Variants in ATP2A2 observed in about 807,000 individuals in gnomAD.
The protein encoded by ATP2A2 is sarcoplasmic/endoplasmic reticulum calcium ATPase 2.
Under a neutral mutation model 109.3 loss-of-function variants are expected in ATP2A2, and 14 were observed. That is an observed-to-expected ratio of 0.13 (90% CI 0.08 to 0.20). The LOEUF (loss-of-function observed/expected upper bound fraction) is 0.20, where lower values mean the gene tolerates loss of function less well. Ranked by LOEUF, ATP2A2 falls within the 10% of genes least tolerant of loss-of-function variation. The pLI is 1.00. For synonymous variants in ATP2A2, 506 were observed against 490.9 expected, an observed-to-expected ratio of 1.03 and a Z score of -0.41; for missense variants, 657 against 1,321.6, an observed-to-expected ratio of 0.50 and a Z score of 7.80.
intron 11 of ATP2A2, among the ~76,000 whole-genome samples, chr12:110,337,815 C>T (rs903364005): frequency 3.3e-5 from 5 of 152,308 alleles, no homozygotes; most frequent in African/African-American, 4.8e-5. Context: ...GTGTCTTTAA[C>T]GCTGACAGTG....
chr12:110,324,230 A>C (rs1201268208), intron 6 of ATP2A2, among the ~76,000 whole-genome samples: 1 of 152,188 alleles, frequency 6.6e-6, no homozygotes, highest in African/African-American at 2.4e-5. Flanking sequence ...AGCTAATGTC[A>C]TGGAGACAGT....
In ATP2A2 at chr12:110,327,434, C is replaced by G. The variant is rs1348140365; in HGVS notation, c.631-119C>G. On this transcript the variant is annotated intron_variant, in intron 7 of 19. Coordinates refer to ENST00000539276, the MANE Select transcript of ATP2A2 (RefSeq NM_170665.4). This position sits in a 1 kb window ranked among gnomAD's most constrained non-coding sequence, Gnocchi z 4.4. The stretch of plus-strand genomic sequence containing the variant: ...GTATGGCTGGTTGCTTGAACAGTAG[C>G]CAGTGGAAGACCTAGTAGAATGTGT... 9 of 909,508 alleles carry G rather than the reference C, an allele frequency of 9.9e-6. No individual in the cohort carries two copies. The highest frequency in any genetic ancestry group is 1.7e-5 in the Admixed American group (1 of 58,736). The allele number at this position is 909,508 out of a possible 1,614,324, so 56.3% of individuals were successfully genotyped here. A position where few individuals can be genotyped will look rare whatever the true frequency, so the allele number is the denominator to read the frequency against.
intron 16 of ATP2A2, among the ~76,000 whole-genome samples, chr12:110,344,366 A>C (rs1399476620): frequency 2.0e-5 from 3 of 152,192 alleles, no homozygotes; most frequent in South Asian, 2.1e-4. Flanking sequence ...GGAATCCCAG[A>C]AGCTGCTGAG....
Position 110,296,578 on chromosome 12 carries a change from C to A in ATP2A2, c.325-21C>A, listed in dbSNP as rs145932723. Reference sequence around the variant, plus strand: ...CAGTGTCAGGCAGGTCTTTACTACTCTTCTGTTTTCTTTTATACAGGAAAG... The same window carrying A: ...CAGTGTCAGGCAGGTCTTTACTACTATTCTGTTTTCTTTTATACAGGAAAG... On this transcript the variant is annotated intron_variant, in intron 4 of 19. Transcript: ENST00000539276. 1.5e-4 allele frequency: 250 copies of A among 1,614,000 alleles called. 1 individual carries two copies. In the African/African-American group the frequency reaches 2.1e-3, roughly 13 times the overall value.
chr12:110,329,039 G>A (rs1451168466), intron 8 of ATP2A2, among the ~76,000 whole-genome samples: 5 of 152,176 alleles, frequency 3.3e-5, no homozygotes, highest in Non-Finnish European at 7.3e-5. Flanking sequence ...GTATTCATTA[G>A]AGATTGGTTC....
chr12:110,323,215 C>T (rs952291919), intron 6 of ATP2A2, 143 bp downstream of exon 6: 19 of 734,876 alleles, frequency 2.6e-5, no homozygotes, highest in Non-Finnish European at 4.0e-5. Flanking sequence ...GCTTTAGTCT[C>T]GCTCCATTGC....
chr12:110,316,146 G>A (rs779702317), intron 5 of ATP2A2, among the ~76,000 whole-genome samples: 4 of 152,232 alleles, frequency 2.6e-5, no homozygotes, highest in Non-Finnish European at 5.9e-5. Flanking sequence ...TGTTTCAAAC[G>A]CTTTACCATC....
At chr12:110,317,908 A>G (rs1876839437) in intron 5 of ATP2A2, among the ~76,000 whole-genome samples, 1 of 152,222 alleles carries the variant, frequency 6.6e-6, no homozygotes, top group African/African-American at 2.4e-5. Flanking sequence ...CAAGAGCTGA[A>G]TTTGAAAGGT....
intron 5 of ATP2A2, among the ~76,000 whole-genome samples, chr12:110,304,614 G>A (rs896922559): frequency 6.6e-6 from 1 of 152,108 alleles, no homozygotes; most frequent in Non-Finnish European, 1.5e-5. Flanking sequence ...TAGGTTATTT[G>A]TCTTTTTAAT....
In ATP2A2 at chr12:110,307,004, C is replaced by A. The variant is rs149537935; in HGVS notation, c.463+10267C>A. On this transcript the variant is annotated intron_variant, in intron 5 of 19. Transcript: ENST00000539276. ...GAATTCCTGGGCTCAAGTGATTCAC[C>A]CACCTTGGCCTCCGAAAGTGCTGAG... 8.1e-3 allele frequency among the ~76,000 whole-genome samples: 1,233 copies of A among 151,968 alleles called. 1 individual carries two copies. Among genetic ancestry groups the A allele is most frequent in the Non-Finnish European group, 9.5e-3 (644 of 67,946 alleles).
chr12:110,304,516 T>C (rs1420974099), intron 5 of ATP2A2, among the ~76,000 whole-genome samples: 1 of 152,238 alleles, frequency 6.6e-6, no homozygotes, highest in Non-Finnish European at 1.5e-5. Context: ...TTGACGTCCG[T>C]TTCCCTAATT....
chr12:110,334,770 G>A lies in ATP2A2; in HGVS notation c.1419+627G>A, dbSNP rs917338365. On this transcript the variant is annotated intron_variant, in intron 11 of 19. Coordinates refer to ENST00000539276, the MANE Select transcript of ATP2A2 (RefSeq NM_170665.4). Reference sequence around the variant, plus strand: ...GCCTGGCTAATTTTTTGTATTTTTCGTAGAAAGGGGTTTCACCATGCTAGC... The same window carrying A: ...GCCTGGCTAATTTTTTGTATTTTTCATAGAAAGGGGTTTCACCATGCTAGC... 2.6e-5 allele frequency among the ~76,000 whole-genome samples: 4 copies of A among 151,644 alleles called. No individual in the cohort carries two copies. In the South Asian group the frequency reaches 6.2e-4, roughly 24 times the overall value.
intron 3 of ATP2A2, among the ~76,000 whole-genome samples, chr12:110,285,440 C>T (rs4766428): frequency 0.41 from 62,331 of 151,998 alleles, 14,478 homozygotes; most frequent in East Asian, 0.91. Context: ...CTGATGCCTG[C>T]CCTTTCTTCT....
At chr12:110,308,194 T>A (rs1875590696) in intron 5 of ATP2A2, among the ~76,000 whole-genome samples, 2 of 152,224 alleles carry the variant, frequency 1.3e-5, no homozygotes, top group Non-Finnish European at 2.9e-5. Flanking sequence ...ATGTTTTTAC[T>A]TCTTTCTAGT....
chr12:110,282,644 GT>G, intron 2 of ATP2A2, 23 bp downstream of exon 2: 3 of 1,612,694 alleles, frequency 1.9e-6, no homozygotes, highest in Non-Finnish European at 2.5e-6. Flanking sequence ...TGCTGTTTCT[GT>G]TTTTTTTCCT....
chr12:110,339,781 ACTC>A lies in ATP2A2; in HGVS notation c.1761+63_1761+65del. On this transcript the variant is annotated intron_variant, in intron 13 of 19. Coordinates refer to ENST00000539276, the MANE Select transcript of ATP2A2 (RefSeq NM_170665.4). This position sits in a 1 kb window ranked among gnomAD's most constrained non-coding sequence, Gnocchi z 4.4. ...GCACGATTCATTGTGTTTAAACAGT[ACTC>A]CTTCAAGCAAAAGGTCAAACAGTTC... 6.5e-7 allele frequency: 1 copy of A among 1,549,076 alleles called. No homozygotes were observed. Among genetic ancestry groups the A allele is most frequent in the South Asian group, 1.1e-5 (1 of 88,586 alleles).
In ATP2A2 at chr12:110,350,176, T is replaced by A. The variant is rs991560146; in HGVS notation, c.*3706T>A. Reference sequence around the variant, plus strand: ...TGCTGGTCTTGAAACCTTGAAAAGATCAAGCTGAATGTTCCTTTTCATCTG... The same window carrying A: ...TGCTGGTCTTGAAACCTTGAAAAGAACAAGCTGAATGTTCCTTTTCATCTG... On this transcript the variant is annotated 3_prime_UTR_variant, in exon 20 of 20. Coordinates refer to ENST00000539276, the MANE Select transcript of ATP2A2 (RefSeq NM_170665.4). The A allele has an allele frequency of 2.5e-6, 4 of 1,601,642 alleles. No homozygotes were observed. The highest frequency in any genetic ancestry group is 3.4e-6 in the Non-Finnish European group (4 of 1,174,026).
chr12:110,298,414 G>A (rs896466449), intron 5 of ATP2A2, among the ~76,000 whole-genome samples: 2 of 152,160 alleles, frequency 1.3e-5, no homozygotes, highest in African/African-American at 4.8e-5. Context: ...CTTGGCTATT[G>A]GATTTTTTAA....
intron 5 of ATP2A2, among the ~76,000 whole-genome samples, chr12:110,310,277 G>A (rs918280371): frequency 2.0e-5 from 3 of 147,468 alleles, no homozygotes; most frequent in Admixed American, 6.8e-5. Flanking sequence ...ATGAACCACC[G>A]TGCCCGGCCA....
Sources: gnomAD v4.1 joint callset for allele counts (sites outside exome capture counted in the v4.1 genomes callset) on GRCh38, gnomAD v4.1.1 for gene constraint, Gnocchi (gnomAD v3.1) non-coding constraint, MANE v1.5 for transcripts, NCBI Gene and HGNC (gene_info 2026-07-23, HGNC 2026-07-21) for gene names.